Variants in MASP2 observed in about 807,000 individuals in gnomAD.
MASP2 encodes MBL associated serine protease 2, also known as mannan-binding lectin serine protease 2.
In MASP2, 49 loss-of-function variants were observed where a neutral mutation model predicts 57.1. That is an observed-to-expected ratio of 0.86 (90% CI 0.68 to 1.09). The LOEUF is 1.09. MASP2 is among the 50% of genes least tolerant of loss of function. The probability of loss-of-function intolerance (pLI) is 0.00; values close to 1 mark genes in which losing one functional copy is unlikely to be tolerated. For missense variants in MASP2, 900 were observed against 874.8 expected (o/e 1.03, Z -0.36); for synonymous variants, 379 against 340.8 (o/e 1.11, Z -1.24).
intron 8 of MASP2, among the ~76,000 whole-genome samples, chr1:11,034,157 C>T (rs576391173): frequency 1.3e-5 from 2 of 149,306 alleles, no homozygotes; most frequent in African/African-American, 4.9e-5. Context: ...GTGGGAGAAT[C>T]GCTTGAACCC....
At chr1:11,046,362 G>A in intron 3 of MASP2, 194 bp downstream of exon 3, 1 of 646,094 alleles carries the variant, frequency 1.5e-6, no homozygotes. Context: ...CTGGCTCAGA[G>A]TTGGCACTCA....
chr1:11,035,277 A>C (rs145027038), intron 7 of MASP2, among the ~76,000 whole-genome samples: 2 of 151,842 alleles, frequency 1.3e-5, no homozygotes, highest in African/African-American at 4.8e-5. Context: ...TAATCCCGAC[A>C]CTCCTGGAGA....
chr1:11,038,393 G>T (rs1254457557), intron 6 of MASP2, among the ~76,000 whole-genome samples: 1 of 152,164 alleles, frequency 6.6e-6, no homozygotes, highest in Non-Finnish European at 1.5e-5. Flanking sequence ...AGCTGTTATG[G>T]CATGGGGAGA....
Position 11,037,716 on chromosome 1 carries a change from C to T in MASP2, c.985G>A (p.Glu329Lys), listed in dbSNP as rs779722183. 2.5e-6 allele frequency: 4 copies of T among 1,611,302 alleles called. No homozygotes were observed. The highest frequency in any genetic ancestry group is 1.3e-5 in the African/African-American group (1 of 74,790). Reference protein sequence around the residue: ...ILKDSFSIFCETGYELLQGHL... With the variant: ...ILKDSFSIFCKTGYELLQGHL... ...ACTTGCAGAAGCTCATAGCCAGTCT[C>T]GCAAAAGATGGAGAAGCTGTCTTTC... is the stretch of plus-strand genomic sequence containing the variant. The change falls in exon 7 of 11, where the codon GAG becomes AAG. Residue 329 changes from glutamate (E) to lysine (K), a missense_variant. Glu to Lys is a moderately conservative substitution (Grantham distance 56). Coordinates refer to ENST00000400897, the MANE Select transcript of MASP2 (RefSeq NM_006610.4).
intron 4 of MASP2, chr1:11,044,721 CTG>C: frequency 1.5e-6 from 2 of 1,322,306 alleles, no homozygotes; most frequent in South Asian, 1.4e-5. Context: ...GTTCATGAGG[CTG>C]TGAGGAGGGT....
intron 8 of MASP2, among the ~76,000 whole-genome samples, chr1:11,031,528 T>TTAAAAAAAAA (rs1553160783): frequency 1.5e-5 from 1 of 67,504 alleles, no homozygotes; most frequent in African/African-American, 6.8e-5. Flanking sequence ...GACTCTGTCT[T>TTAAAAAAAAA]AAAAAAAAAA....
intron 3 of MASP2, chr1:11,045,995 C>T (rs1638626213): frequency 5.1e-6 from 1 of 197,302 alleles, no homozygotes; most frequent in Admixed American, 5.3e-5. Flanking sequence ...TAAATGGGGC[C>T]CTCGGCCCCT....
Position 11,034,871 on chromosome 1 carries a change from A to T in MASP2, c.1044T>A (p.Cys348Ter). ...HLPLKSFTAV[C>*]QKDGSWDRPM... ...GCCGGTCCCAAGATCCATCTTTCTG[A>T]CAAACTGCAGTAAAGGATTTCAGGG... The change falls in exon 8 of 11, where the codon TGT (cysteine) becomes TGA (stop). Residue 348 changes from cysteine (C) to a stop codon, truncating the protein, a stop_gained. Coordinates refer to ENST00000400897, the MANE Select transcript of MASP2 (RefSeq NM_006610.4). LOFTEE classifies it high-confidence loss of function. 1 of 1,613,350 alleles carries T rather than the reference A, an allele frequency of 6.2e-7. No individual in the cohort carries two copies. The highest frequency in any genetic ancestry group is 8.5e-7 in the Non-Finnish European group (1 of 1,179,738).
At chr1:11,031,755 T>G (rs1269590093) in intron 8 of MASP2, among the ~76,000 whole-genome samples, 1 of 151,128 alleles carries the variant, frequency 6.6e-6, no homozygotes, top group South Asian at 2.1e-4. Flanking sequence ...AGCGAAACCC[T>G]CTCTACAAAA....
chr1:11,046,091 C>A lies in MASP2; in HGVS notation c.412+465G>T, dbSNP rs1638629529. The A allele has an allele frequency of 2.7e-5, 7 of 260,254 alleles. No homozygotes were observed. In the South Asian group the frequency reaches 3.1e-4, roughly 11 times the overall value. The allele number at this position is 260,254 out of a possible 1,614,324, so 16.1% of individuals were successfully genotyped here. ...GTAGTGGTGCAATCTCTGTTCACTG[C>A]AGCCTCCACCTCGCAGGTTCAAGCA... On this transcript the variant is annotated intron_variant, in intron 3 of 10. Coordinates refer to ENST00000400897, the MANE Select transcript of MASP2 (RefSeq NM_006610.4).
At chr1:11,029,573 T>C (rs1038873050) in intron 10 of MASP2, 3 of 150,494 alleles carry the variant, frequency 2.0e-5, no homozygotes, top group African/African-American at 7.3e-5. Flanking sequence ...CATAGAATAG[T>C]AACTCAACAG....
In MASP2 at chr1:11,042,882, C is replaced by T. The variant is rs61735598; in HGVS notation, c.882G>A (p.Thr294=). Residue 294 remains threonine (T), a synonymous_variant, in exon 6 of 11, where the codon ACG becomes ACA. Coordinates refer to ENST00000400897, the MANE Select transcript of MASP2 (RefSeq NM_006610.4). ...TGAGACCCACTTGCTCACCTGTGCT[C>T]GTGTAGTGGATCTTCCAGCCTGTGT... The part of the protein sequence containing the change: ...GDHTGWKIHY[T]STAQPCPYPM... 3.2e-3 allele frequency: 5,224 copies of T among 1,613,850 alleles called. 150 individuals are homozygous for T. In the African/African-American group the frequency reaches 0.06, roughly 19 times the overall value.
At position 11,041,392 on chromosome 1, in the gene MASP2, A is replaced by ATGGATGAG. The variant is rs1467734691; in HGVS notation, c.889+1482_889+1483insCTCATCCA. Among the ~76,000 whole-genome samples, 521 of 103,072 alleles carry ATGGATGAG rather than the reference A, an allele frequency of 5.1e-3. 1 individual carries two copies. The highest frequency in any genetic ancestry group is 0.018 in the African/African-American group (467 of 25,910). 67.6% of individuals were successfully genotyped at this position (103,072 alleles called of 152,430 possible). The stretch of plus-strand genomic sequence containing the variant: ...AATTGGCAGATGGATGGATGGATGG[A>ATGGATGAG]TGGATGGATGAGTGGATGGATGGAT... On this transcript the variant is annotated intron_variant, in intron 6 of 10. Transcript: ENST00000400897.
intron 8 of MASP2, among the ~76,000 whole-genome samples, chr1:11,033,285 G>GT (rs1042952963): frequency 7.0e-4 from 105 of 149,888 alleles, no homozygotes; most frequent in African/African-American, 2.5e-3. Flanking sequence ...CCAAGATCAC[G>GT]CCATTGTACT....
At chr1:11,036,320 A>C (rs998887196) in intron 7 of MASP2, among the ~76,000 whole-genome samples, 5 of 150,402 alleles carry the variant, frequency 3.3e-5, no homozygotes, top group South Asian at 2.1e-4. Flanking sequence ...CTGGCTAACA[A>C]GGTGAAACCC....
chr1:11,046,820 C>G, intron 2 of MASP2, 71 bp downstream of exon 2: 1 of 1,549,788 alleles, frequency 6.5e-7, no homozygotes, highest in South Asian at 1.2e-5. Flanking sequence ...TCCCAGGTGT[C>G]CCTGAACCCT....
At position 11,027,283 on chromosome 1, in the gene MASP2, T is replaced by C; in HGVS notation, c.1663A>G (p.Arg555Gly). The C allele has an allele frequency of 6.2e-7, 1 of 1,614,064 alleles. No homozygotes were observed. Residue 555 changes from arginine (R) to glycine (G), a missense_variant, in exon 11 of 11, where the codon AGA becomes GGA. Coordinates refer to ENST00000400897, the MANE Select transcript of MASP2 (RefSeq NM_006610.4). ...NSNITPICLP[R>G]KEAESFMRTD... ...CTCATAAAGGATTCAGCTTCTTTTC[T>C]TGGCAGACAAATAGGCGTGATGTTG...
chr1:11,030,311 T>C (rs113868752), intron 9 of MASP2, 61 bp from the exon 10 acceptor site: 2 of 1,167,692 alleles, frequency 1.7e-6, no homozygotes, highest in South Asian at 1.2e-5. Context: ...TGTCATTTGC[T>C]TGAATACCCC....
At chr1:11,045,379 T>C (rs779134043) in intron 4 of MASP2, 29 bp downstream of exon 4, 3 of 1,611,752 alleles carry the variant, frequency 1.9e-6, no homozygotes, top group African/African-American at 1.3e-5. Flanking sequence ...CAGGAGAGGG[T>C]GCGTTGGGGC....
Sources: allele counts gnomAD v4.1 joint callset (sites outside exome capture counted in the v4.1 genomes callset), GRCh38; gene constraint gnomAD v4.1.1; transcripts MANE v1.5; gene names NCBI Gene and HGNC (gene_info 2026-07-23, HGNC 2026-07-21).